Variants in VDAC1 observed in about 807,000 individuals in gnomAD.
VDAC1 encodes the protein non-selective voltage-gated ion channel VDAC1.
A neutral mutation model predicts 34.7 loss-of-function variants in VDAC1; 10 were observed. The ratio of observed to expected loss-of-function variants is 0.29; its 90% confidence interval spans 0.18 to 0.49. The LOEUF (loss-of-function observed/expected upper bound fraction) is 0.49, where lower values mean the gene tolerates loss of function less well. Ranked by LOEUF, VDAC1 falls within the 20% of genes least tolerant of loss-of-function variation. The probability of loss-of-function intolerance (pLI) is 0.99; values close to 1 mark genes in which losing one functional copy is unlikely to be tolerated. For synonymous variants in VDAC1, 130 were observed against 136.0 expected, an observed-to-expected ratio of 0.96 and a Z score of 0.30; for missense variants, 230 against 347.9, an observed-to-expected ratio of 0.66 and a Z score of 2.69.
At chr5:134,007,334 C>G (rs1276685132), upstream of VDAC1, among the ~76,000 whole-genome samples, 1 of 152,010 alleles carries the variant, frequency 6.6e-6, no homozygotes, top group African/African-American at 2.4e-5. Context: ...GTTTGGGAGG[C>G]CAAGGAGGTA....
At chr5:134,045,575 A>T in the VDAC1 span, among the ~76,000 whole-genome samples, 1 of 151,938 alleles carries the variant, frequency 6.6e-6, no homozygotes, top group African/African-American at 2.4e-5. Flanking sequence ...CCATTGTCTC[A>T]TCTCTTCTAA....
At chr5:133,996,789 A>G (rs934448566) in intron 1 of VDAC1, among the ~76,000 whole-genome samples, 44 of 152,336 alleles carry the variant, frequency 2.9e-4, no homozygotes, top group African/African-American at 1.1e-3. Context: ...GGAATCTGAC[A>G]ATAGGAACTC....
the VDAC1 span, among the ~76,000 whole-genome samples, chr5:134,071,440 G>A: frequency 6.6e-6 from 1 of 152,150 alleles, no homozygotes; most frequent in Non-Finnish European, 1.5e-5. This position sits in a 1 kb window ranked among gnomAD's most constrained non-coding sequence, Gnocchi z 4.1. Context: ...CCAGCCTCGG[G>A]GGAGCGCCCT....
the VDAC1 span, among the ~76,000 whole-genome samples, chr5:134,082,437 T>C: frequency 2.0e-5 from 3 of 152,248 alleles, no homozygotes; most frequent in Non-Finnish European, 2.9e-5. Flanking sequence ...CTCCATTGCA[T>C]GGATATGCCA....
At chr5:134,020,939 C>T in the VDAC1 span, among the ~76,000 whole-genome samples, 1,121 of 151,338 alleles carry the variant, frequency 7.4e-3, 13 homozygotes, top group African/African-American at 0.026. Context: ...GGGAGGATTG[C>T]TTGAGCCCAG....
At chr5:134,019,578 TCAAACAAA>T in the VDAC1 span, among the ~76,000 whole-genome samples, 4 of 152,034 alleles carry the variant, frequency 2.6e-5, no homozygotes, top group African/African-American at 9.7e-5. Flanking sequence ...AGACTCTGGC[TCAAACAAA>T]CAAACAAACA....
the VDAC1 span, among the ~76,000 whole-genome samples, chr5:134,019,315 C>T: frequency 6.6e-6 from 1 of 152,162 alleles, no homozygotes; most frequent in Non-Finnish European, 1.5e-5. Flanking sequence ...CAGTAGCTCC[C>T]ACCTATAAAC....
At chr5:134,111,183 G>A in the VDAC1 span, among the ~76,000 whole-genome samples, 3 of 152,156 alleles carry the variant, frequency 2.0e-5, no homozygotes, top group Non-Finnish European at 4.4e-5. Context: ...TAAGTGGCAC[G>A]GCAGAGATGG....
chr5:133,992,548 G>C (rs1232602581), intron 2 of VDAC1, among the ~76,000 whole-genome samples, 193 bp from the exon 3 acceptor site: 1 of 152,062 alleles, frequency 6.6e-6, no homozygotes, highest in Non-Finnish European at 1.5e-5. Flanking sequence ...AGACAGAATG[G>C]GCACCCCCAC....
chr5:134,041,458 C>T, the VDAC1 span, among the ~76,000 whole-genome samples: 6 of 152,200 alleles, frequency 3.9e-5, no homozygotes, highest in South Asian at 1.2e-3. Flanking sequence ...GAAGGCCAGC[C>T]CTGATGGCCA....
the VDAC1 span, among the ~76,000 whole-genome samples, chr5:134,109,770 C>CAAAAAAAAAAAAAAAAAAAAAAAAA: frequency 1.4e-5 from 2 of 140,318 alleles, no homozygotes; most frequent in African/African-American, 5.6e-5. Context: ...GGCTCCATCT[C>CAAAAAAAAAAAAAAAAAAAAAAAAA]AAAAAAAAAA....
At chr5:134,069,020 G>A in the VDAC1 span, among the ~76,000 whole-genome samples, 4 of 141,468 alleles carry the variant, frequency 2.8e-5, no homozygotes, top group East Asian at 2.0e-4. Flanking sequence ...GTTCACGTGC[G>A]CCTTTTAGTA....
In VDAC1 at chr5:133,972,193, G is replaced by GGAAT. The variant is rs1157784313; in HGVS notation, c.*574_*577dup. The GGAAT allele has an allele frequency of 6.3e-6, 1 of 158,308 alleles. No individual in the cohort carries two copies. Among genetic ancestry groups the GGAAT allele is most frequent in the Non-Finnish European group, 1.4e-5 (1 of 72,130 alleles). The allele number at this position is 158,308 out of a possible 1,614,324, so 9.8% of individuals were successfully genotyped here. A position where few individuals can be genotyped will look rare whatever the true frequency, so the allele number is the denominator to read the frequency against. ...GCCAAAAAAAAACACAACACAAGAA[G>GGAAT]GAATAAGTCCTGAATTATTGGCTTC... On this transcript the variant is annotated 3_prime_UTR_variant, in exon 9 of 9. Transcript: ENST00000265333.
intron 1 of VDAC1, among the ~76,000 whole-genome samples, chr5:133,993,652 C>A (rs1753189386): frequency 6.6e-6 from 1 of 152,180 alleles, no homozygotes; most frequent in Non-Finnish European, 1.5e-5. Context: ...ATGGAAAAAA[C>A]CCAAATACAT....
chr5:134,019,412 T>C, the VDAC1 span, among the ~76,000 whole-genome samples: 1 of 152,026 alleles, frequency 6.6e-6, no homozygotes, highest in Non-Finnish European at 1.5e-5. Flanking sequence ...ACTCTGTCTC[T>C]ATGAAAAATT....
chr5:134,000,739 T>C (rs1392767214), intron 1 of VDAC1, among the ~76,000 whole-genome samples: 16 of 152,138 alleles, frequency 1.1e-4, no homozygotes, highest in Admixed American at 9.8e-4. Flanking sequence ...AGGACTGAAT[T>C]AGCTCGTTAA....
At chr5:134,007,596 G>A (rs1753777765), upstream of VDAC1, among the ~76,000 whole-genome samples, 1 of 149,922 alleles carries the variant, frequency 6.7e-6, no homozygotes, top group Non-Finnish European at 1.5e-5. Flanking sequence ...TCAGGGTTGG[G>A]CCCCTGACCC....
chr5:134,023,627 C>T, the VDAC1 span, among the ~76,000 whole-genome samples: 100 of 152,210 alleles, frequency 6.6e-4, no homozygotes, highest in African/African-American at 2.3e-3. Context: ...GAGCTCCTAC[C>T]ATGGGCCAGG....
intron 7 of VDAC1, among the ~76,000 whole-genome samples, chr5:133,975,615 C>T (rs1752447125): frequency 6.6e-6 from 1 of 152,024 alleles, no homozygotes; most frequent in Non-Finnish European, 1.5e-5. Flanking sequence ...CACACGCCAC[C>T]ATGCCCGGCT....
Sources: allele counts gnomAD v4.1 joint callset (sites outside exome capture counted in the v4.1 genomes callset), GRCh38; gene constraint gnomAD v4.1.1; non-coding constraint Gnocchi (gnomAD v3.1); transcripts MANE v1.5; gene names NCBI Gene and HGNC (gene_info 2026-07-23, HGNC 2026-07-21).